RBMS3: variants seen among roughly 807,000 people sequenced by gnomAD.
The protein encoded by RBMS3 is RNA-binding motif, single-stranded-interacting protein 3.
A neutral mutation model predicts 66.8 loss-of-function variants in RBMS3; 27 were observed. The ratio of observed to expected loss-of-function variants is 0.40; its 90% CI spans 0.30 to 0.56. The LOEUF is 0.56. RBMS3 is among the 20% of genes least tolerant of loss of function. The pLI is 0.40. For synonymous variants in RBMS3, 188 were observed against 183.0 expected (o/e 1.03, Z -0.22); for missense variants, 513 against 549.5 (o/e 0.93, Z 0.66).
chr3:29,764,221 T>C (rs1257864555), intron 6 of RBMS3, among the ~76,000 whole-genome samples: 1 of 152,010 alleles, frequency 6.6e-6, no homozygotes, highest in African/African-American at 2.4e-5. Flanking sequence ...TGAGTCAACA[T>C]ACAGTGAAGA....
At chr3:29,709,686 C>T (rs1297745002) in intron 4 of RBMS3, among the ~76,000 whole-genome samples, 2 of 152,144 alleles carry the variant, frequency 1.3e-5, no homozygotes, top group African/African-American at 4.8e-5. Flanking sequence ...TCCAGAATCT[C>T]TTATGTTTGT....
At chr3:29,951,800 A>G (rs1695696874) in intron 12 of RBMS3, among the ~76,000 whole-genome samples, 1 of 151,650 alleles carries the variant, frequency 6.6e-6, no homozygotes, top group Non-Finnish European at 1.5e-5. Flanking sequence ...TGATATTACT[A>G]GGTGAATTAA....
chr3:29,614,389 CTA>C, intron 4 of RBMS3: 1 of 151,916 alleles, frequency 6.6e-6, no homozygotes. Flanking sequence ...TTCTAGTTAT[CTA>C]TTGTACAACA....
intron 6 of RBMS3, among the ~76,000 whole-genome samples, chr3:29,808,704 T>C (rs779879317): frequency 4.6e-5 from 7 of 151,972 alleles, no homozygotes; most frequent in Non-Finnish European, 8.8e-5. Context: ...AACATTACTA[T>C]ATGCTTCATC....
intron 1 of RBMS3, among the ~76,000 whole-genome samples, chr3:29,391,622 C>G (rs1025183100): frequency 6.6e-6 from 1 of 152,094 alleles, no homozygotes; most frequent in African/African-American, 2.4e-5. Flanking sequence ...CTATTTAAAT[C>G]TGACATCAGG....
intron 10 of RBMS3, among the ~76,000 whole-genome samples, chr3:29,901,715 C>T (rs2060257261): frequency 6.6e-6 from 1 of 151,790 alleles, no homozygotes; most frequent in Non-Finnish European, 1.5e-5. Context: ...GATATCGTAT[C>T]ACCTCCCATG....
chr3:29,617,852 T>G (rs539299725), intron 4 of RBMS3, among the ~76,000 whole-genome samples: 112 of 152,226 alleles, frequency 7.4e-4, no homozygotes, highest in Non-Finnish European at 1.4e-3. Flanking sequence ...GTGCTGTAGG[T>G]GTTGATGATG....
At chr3:29,977,410 A>T (rs982988484) in intron 12 of RBMS3, among the ~76,000 whole-genome samples, 1 of 152,048 alleles carries the variant, frequency 6.6e-6, no homozygotes, top group Non-Finnish European at 1.5e-5. Context: ...TAGAACTAAT[A>T]ATTTGGGGTT....
At chr3:29,325,235 A>C (rs1242055319) in intron 1 of RBMS3, among the ~76,000 whole-genome samples, 3 of 152,154 alleles carry the variant, frequency 2.0e-5, no homozygotes, top group Non-Finnish European at 4.4e-5. Flanking sequence ...TTTGTGAAAA[A>C]AGGCGGTGGT....
chr3:29,560,821 A>C (rs1260951085), intron 3 of RBMS3, among the ~76,000 whole-genome samples: 2 of 152,056 alleles, frequency 1.3e-5, no homozygotes, highest in East Asian at 3.9e-4. Context: ...GTGTTGTACA[A>C]ATTATTTTGA....
In RBMS3 at chr3:29,482,149, A is replaced by G. The variant is rs573937182; in HGVS notation, c.249-6292A>G. 2.0e-5 allele frequency among the ~76,000 whole-genome samples: 3 copies of G among 152,306 alleles called. No homozygotes were observed. The South Asian group carries it at 6.2e-4, about 32-fold the overall frequency. On this transcript the variant is annotated intron_variant, in intron 2 of 14. Transcript: ENST00000383767. Reference sequence around the variant, plus strand: ...GCTGAAATGCATTGGAATCAGTTGTAGAAGGTACTCAGATGCATGTGAGGT... The same window carrying G: ...GCTGAAATGCATTGGAATCAGTTGTGGAAGGTACTCAGATGCATGTGAGGT...
chr3:29,849,411 G>A (rs2058875313), intron 6 of RBMS3, among the ~76,000 whole-genome samples: 1 of 151,770 alleles, frequency 6.6e-6, no homozygotes, highest in Non-Finnish European at 1.5e-5. Flanking sequence ...CTGCTTGAGA[G>A]GCTAAGGCAG....
intron 5 of RBMS3, among the ~76,000 whole-genome samples, chr3:29,741,053 A>G (rs1424319237): frequency 1.3e-5 from 2 of 151,970 alleles, no homozygotes; most frequent in Admixed American, 1.3e-4. Context: ...AAAAAAAAAA[A>G]AAAGAAAAAC....
intron 8 of RBMS3, among the ~76,000 whole-genome samples, chr3:29,884,470 C>CTCTCTCTCT (rs1491200120): frequency 8.5e-5 from 6 of 70,542 alleles, no homozygotes; most frequent in East Asian, 2.8e-4. Flanking sequence ...CTCTCTCTCT[C>CTCTCTCTCT]CCCCCCCGCT....
chr3:29,987,420 A>G (rs1698463457), intron 12 of RBMS3, among the ~76,000 whole-genome samples: 1 of 152,314 alleles, frequency 6.6e-6, no homozygotes, highest in Non-Finnish European at 1.5e-5. Context: ...CTTATCCTCA[A>G]TACATAATTT....
intron 1 of RBMS3, among the ~76,000 whole-genome samples, chr3:29,352,858 A>G (rs764402842): frequency 2.0e-5 from 3 of 151,786 alleles, no homozygotes; most frequent in Non-Finnish European, 4.4e-5. Context: ...TTTCTCTGCC[A>G]GGCCTATTTT....
chr3:29,737,038 A>G (rs953602398), intron 4 of RBMS3, among the ~76,000 whole-genome samples: 5 of 151,722 alleles, frequency 3.3e-5, no homozygotes, highest in Admixed American at 1.3e-4. Context: ...GTGCAGTGGC[A>G]TGATCTCAGC....
chr3:29,406,824 T>A (rs1255684511), intron 1 of RBMS3, among the ~76,000 whole-genome samples: 1 of 152,226 alleles, frequency 6.6e-6, no homozygotes, highest in African/African-American at 2.4e-5. Context: ...AATATTATTT[T>A]ACTCCTTTGA....
chr3:29,661,700 T>C (rs760245597), intron 4 of RBMS3, among the ~76,000 whole-genome samples: 22 of 152,224 alleles, frequency 1.4e-4, no homozygotes, highest in Admixed American at 1.4e-3. Context: ...TCCTTCAAAG[T>C]ACGCTTATCT....
Sources: gnomAD v4.1 joint callset for allele counts (sites outside exome capture counted in the v4.1 genomes callset) on GRCh38, gnomAD v4.1.1 for gene constraint, MANE v1.5 for transcripts, NCBI Gene and HGNC (gene_info 2026-07-23, HGNC 2026-07-21) for gene names.